CRB1: variants seen among roughly 807,000 people sequenced by gnomAD.
CRB1 encodes the protein protein crumbs homolog 1.
CRB1 carries 83 observed loss-of-function variants against 120.0 expected under a neutral mutation model. The ratio of observed to expected loss-of-function variants is 0.69; its 90% confidence interval spans 0.58 to 0.83. CRB1 has a LOEUF of 0.83. Ranked by LOEUF, CRB1 falls within the 40% of genes least tolerant of loss-of-function variation. The probability of loss-of-function intolerance (pLI) is 0.00; values close to 1 mark genes in which losing one functional copy is unlikely to be tolerated. For missense variants in CRB1, 1,699 were observed against 1,687.6 expected (o/e 1.01, Z -0.12); for synonymous variants, 625 against 612.5 (o/e 1.02, Z -0.30).
chr1:197,431,386 T>C (rs576055349), intron 8 of CRB1, among the ~76,000 whole-genome samples: 1 of 152,302 alleles, frequency 6.6e-6, no homozygotes, highest in African/African-American at 2.4e-5. Flanking sequence ...TTGGCATAAA[T>C]AAGGTAAATT....
chr1:197,475,917 G>GT (rs1042777763), intron 11 of CRB1, among the ~76,000 whole-genome samples: 2 of 151,912 alleles, frequency 1.3e-5, no homozygotes, highest in African/African-American at 2.4e-5. Context: ...TTTTGTTTTT[G>GT]TTTTTGTTTT....
intron 5 of CRB1, among the ~76,000 whole-genome samples, chr1:197,380,917 C>T (rs1418433316): frequency 6.6e-6 from 1 of 152,184 alleles, no homozygotes; most frequent in Non-Finnish European, 1.5e-5. Flanking sequence ...CGTTGTTGAA[C>T]TGTCCTTGTT....
intron 7 of CRB1, chr1:197,428,932 C>T (rs746038710): frequency 1.3e-6 from 2 of 1,512,772 alleles, no homozygotes; most frequent in African/African-American, 2.8e-5. Context: ...TTGTGAGCAA[C>T]CTTGTGAGAA....
Position 197,427,556 on chromosome 1 carries a change from G to C in CRB1, c.2231G>C (p.Arg744Pro). The C allele has an allele frequency of 6.2e-7, 1 of 1,613,746 alleles. No homozygotes were observed. The change falls in exon 7 of 12, where the codon CGA becomes CCA. Residue 744 changes from arginine to proline, a missense_variant. Coordinates refer to ENST00000367400, the MANE Select transcript of CRB1 (RefSeq NM_201253.3). Reference protein sequence around the residue: ...GDTISLSMFVRTLQPSGLLLA... With the variant: ...GDTISLSMFVPTLQPSGLLLA... ...ACCATCAGCCTCTCCATGTTTGTCC[G>C]AACGCTTCAACCATCAGGCTTACTT... is the stretch of plus-strand genomic sequence containing the variant.
At chr1:197,227,684 G>A in the CRB1 span, among the ~76,000 whole-genome samples, 1 of 152,152 alleles carries the variant, frequency 6.6e-6, no homozygotes, top group Non-Finnish European at 1.5e-5. Flanking sequence ...TCTGGCGTCT[G>A]GGGGACAGTG....
At chr1:197,206,901 G>A in the CRB1 span, among the ~76,000 whole-genome samples, 381 of 152,154 alleles carry the variant, frequency 2.5e-3, 8 homozygotes, top group Admixed American at 0.019. Context: ...TAATTGTTTT[G>A]TAAATGTAGA....
chr1:197,396,405 A>T (rs758957954), intron 5 of CRB1, among the ~76,000 whole-genome samples: 1 of 152,182 alleles, frequency 6.6e-6, no homozygotes, highest in African/African-American at 2.4e-5. Flanking sequence ...TGCAAATTTA[A>T]TCTCTGCATT....
At chr1:197,296,943 T>G (rs183130133) in intron 1 of CRB1, among the ~76,000 whole-genome samples, 210 of 152,182 alleles carry the variant, frequency 1.4e-3, no homozygotes, top group Admixed American at 6.1e-3. Flanking sequence ...CCTCTTTTTC[T>G]TTATAAATTA....
In CRB1 at chr1:197,287,880, T is replaced by TA. The variant is rs540873996; in HGVS notation, c.70+19405dup. ...GGATTCACCCTCCAGCCTGAAGCAA[T>TA]AAAAAAAGCAACCTGGCAACACATA... On this transcript the variant is annotated intron_variant, in intron 1 of 11. Coordinates refer to ENST00000367400, the MANE Select transcript of CRB1 (RefSeq NM_201253.3). Among the ~76,000 whole-genome samples the TA allele has an allele frequency of 4.6e-5, 7 of 151,682 alleles. No homozygotes were observed. In the East Asian group the frequency reaches 1.2e-3, roughly 25 times the overall value.
chr1:197,358,430 C>T (rs1660598475), intron 5 of CRB1, among the ~76,000 whole-genome samples: 1 of 152,104 alleles, frequency 6.6e-6, no homozygotes, highest in South Asian at 2.1e-4. Flanking sequence ...CTTGAATCTG[C>T]AGATCTAAAA....
chr1:197,405,382 A>C (rs1039920837), intron 5 of CRB1, among the ~76,000 whole-genome samples: 1 of 151,702 alleles, frequency 6.6e-6, no homozygotes, highest in African/African-American at 2.4e-5. Context: ...TCAGTGCTCA[A>C]TGGTGCCCAG....
intron 11 of CRB1, among the ~76,000 whole-genome samples, chr1:197,473,230 C>A (rs1667056513): frequency 6.6e-6 from 1 of 152,206 alleles, no homozygotes; most frequent in Admixed American, 6.5e-5. Flanking sequence ...TTTCTGTCTG[C>A]TTAGCAAGTG....
At chr1:197,291,812 G>T (rs1656199256) in intron 1 of CRB1, among the ~76,000 whole-genome samples, 4 of 151,722 alleles carry the variant, frequency 2.6e-5, no homozygotes, top group Admixed American at 2.6e-4. Flanking sequence ...ATTCCATAAT[G>T]CTCTTTGCTT....
At chr1:197,381,847 C>A (rs1375137072) in intron 5 of CRB1, among the ~76,000 whole-genome samples, 1 of 152,168 alleles carries the variant, frequency 6.6e-6, no homozygotes, top group Non-Finnish European at 1.5e-5. Context: ...AATTGACTTC[C>A]TTAAAAATGT....
At position 197,336,531 on chromosome 1, in the gene CRB1, A is replaced by T. The variant is rs186668755; in HGVS notation, c.652+7528A>T. 2.2e-3 allele frequency among the ~76,000 whole-genome samples: 331 copies of T among 152,334 alleles called. 1 individual carries two copies. Among genetic ancestry groups the T allele is most frequent in the African/African-American group, 7.6e-3 (316 of 41,574 alleles). Reference sequence around the variant, plus strand: ...TATGGTGTCTTATAAAGAAAATTAAACACTTGTTCAGGCTTTTGCTCAGAA... The same window carrying T: ...TATGGTGTCTTATAAAGAAAATTAATCACTTGTTCAGGCTTTTGCTCAGAA... On this transcript the variant is annotated intron_variant, in intron 2 of 11. Coordinates refer to ENST00000367400, the MANE Select transcript of CRB1 (RefSeq NM_201253.3).
intron 11 of CRB1, among the ~76,000 whole-genome samples, chr1:197,445,425 A>G (rs1665656380): frequency 6.6e-6 from 1 of 152,196 alleles, no homozygotes; most frequent in Non-Finnish European, 1.5e-5. Flanking sequence ...AGGAGGAGAG[A>G]CAACTAAGTT....
chr1:197,208,682 G>C, the CRB1 span, among the ~76,000 whole-genome samples: 1 of 152,250 alleles, frequency 6.6e-6, no homozygotes, highest in Admixed American at 6.5e-5. Flanking sequence ...GTTTTCTGTT[G>C]GTTGGCCTCT....
chr1:197,301,432 C>T (rs1656856067), intron 1 of CRB1, among the ~76,000 whole-genome samples: 1 of 152,112 alleles, frequency 6.6e-6, no homozygotes, highest in Admixed American at 6.5e-5. Flanking sequence ...TCCCAAAGTT[C>T]TGGGATTACA....
the CRB1 span, among the ~76,000 whole-genome samples, chr1:197,262,604 G>A: frequency 1.3e-5 from 2 of 152,086 alleles, no homozygotes; most frequent in Non-Finnish European, 2.9e-5. Flanking sequence ...GTGTGACACT[G>A]AGGTTTGAGG....
Sources: gnomAD v4.1 joint callset for allele counts (sites outside exome capture counted in the v4.1 genomes callset) on GRCh38, gnomAD v4.1.1 for gene constraint, MANE v1.5 for transcripts, NCBI Gene and HGNC (gene_info 2026-07-23, HGNC 2026-07-21) for gene names.